DSCAML1: variants seen among roughly 807,000 people sequenced by gnomAD.
DSCAML1 encodes the protein cell adhesion molecule DSCAML1.
Under a neutral mutation model 200.5 loss-of-function variants are expected in DSCAML1, and 38 were observed. That is an observed-to-expected ratio of 0.19 (90% confidence interval 0.15 to 0.25). The LOEUF is 0.25. Ranked by LOEUF, DSCAML1 falls within the 10% of genes least tolerant of loss-of-function variation. DSCAML1 has a pLI of 1.00. For synonymous variants in DSCAML1, 1,215 were observed against 1,165.0 expected (o/e 1.04, Z -0.87); for missense variants, 2,223 against 2,858.8 (o/e 0.78, Z 5.07).
intron 3 of DSCAML1, among the ~76,000 whole-genome samples, chr11:117,766,751 C>T (rs997212183): frequency 1.3e-5 from 2 of 152,208 alleles, no homozygotes; most frequent in Non-Finnish European, 2.9e-5. Flanking sequence ...AAAAGCAAAA[C>T]ATGACACATG....
intron 3 of DSCAML1, among the ~76,000 whole-genome samples, chr11:117,637,089 T>C (rs1249015722): frequency 6.6e-6 from 1 of 152,060 alleles, no homozygotes; most frequent in Non-Finnish European, 1.5e-5. Context: ...TTTCCAGCCC[T>C]ACATCCCTCC....
intron 3 of DSCAML1, among the ~76,000 whole-genome samples, chr11:117,577,577 T>C (rs1172388198): frequency 2.8e-5 from 4 of 143,490 alleles, no homozygotes; most frequent in African/African-American, 1.0e-4. Flanking sequence ...TTTCCTTTCT[T>C]TTTTTTTTTG....
At chr11:117,510,637 T>C (rs533297843) in intron 8 of DSCAML1, among the ~76,000 whole-genome samples, 16 of 152,258 alleles carry the variant, frequency 1.1e-4, no homozygotes, top group Non-Finnish European at 1.8e-4. Flanking sequence ...TAGGATCCCT[T>C]TCCTCACTAA....
intron 3 of DSCAML1, among the ~76,000 whole-genome samples, chr11:117,604,320 T>C (rs2051522961): frequency 6.8e-6 from 1 of 146,448 alleles, no homozygotes; most frequent in Middle Eastern, 3.2e-3. Flanking sequence ...CAGACCTTTG[T>C]CACCGAGAAA....
chr11:117,787,255 T>C (rs1404050602), intron 1 of DSCAML1, among the ~76,000 whole-genome samples: 2 of 152,186 alleles, frequency 1.3e-5, no homozygotes, highest in East Asian at 3.9e-4. Flanking sequence ...GACGAGTTAA[T>C]ATATATGAAG....
chr11:117,682,785 G>C (rs993896078), intron 3 of DSCAML1, among the ~76,000 whole-genome samples: 2 of 152,186 alleles, frequency 1.3e-5, no homozygotes, highest in Non-Finnish European at 2.9e-5. Flanking sequence ...GACTCTCTCA[G>C]GAAAAACTGT....
chr11:117,484,757 G>A (rs960158745), intron 11 of DSCAML1, among the ~76,000 whole-genome samples: 1 of 152,208 alleles, frequency 6.6e-6, no homozygotes, highest in African/African-American at 2.4e-5. Flanking sequence ...AATTGAGCTC[G>A]GGTGTCGGGG....
At chr11:117,615,491 C>A (rs2051793380) in intron 3 of DSCAML1, among the ~76,000 whole-genome samples, 1 of 152,104 alleles carries the variant, frequency 6.6e-6, no homozygotes, top group Admixed American at 6.5e-5. Flanking sequence ...CTATAAGAAG[C>A]AAGTGCAGGG....
intron 17 of DSCAML1, among the ~76,000 whole-genome samples, chr11:117,464,156 C>A (rs898304016): frequency 6.6e-6 from 1 of 152,018 alleles, no homozygotes; most frequent in South Asian, 2.1e-4. Flanking sequence ...GGCTCTGACT[C>A]GGGGGGCTTT....
rs766131368 is a variant in DSCAML1, at chr11:117,439,906, G to A, written c.3893C>T (p.Thr1298Ile). The A allele has an allele frequency of 6.2e-7, 1 of 1,614,150 alleles. No individual in the cohort carries two copies. Among genetic ancestry groups the A allele is most frequent in the Admixed American group, 1.7e-5 (1 of 60,018 alleles). The change falls in exon 22 of 33, where the codon ACC (threonine) becomes ATC (isoleucine). Residue 1298 changes from threonine (T) to isoleucine (I), a missense_variant. By Grantham distance (89) the Thr-to-Ile change is moderately conservative. Around this residue, in one of 7 missense-constraint regions of DSCAML1, gnomAD observed 614 missense variants for 739.1 expected, o/e 0.83. Transcript: ENST00000651296. ...APAKIISFGG[T>I]VTTPWMKDVR... ...ATCTTTCATCCAAGGTGTTGTCACG[G>A]TGCCCCCAAAGGAGATGATCTTTGC...
chr11:117,710,342 A>G (rs1276508265), intron 3 of DSCAML1, among the ~76,000 whole-genome samples: 1 of 152,142 alleles, frequency 6.6e-6, no homozygotes, highest in East Asian at 1.9e-4. Context: ...TCTATTCCTC[A>G]GAGTATTTTT....
At position 117,464,986 on chromosome 11, in the gene DSCAML1, G is replaced by A. The variant is rs746275716; in HGVS notation, c.3221C>T (p.Thr1074Met). 3.7e-6 allele frequency: 6 copies of A among 1,614,054 alleles called. No individual in the cohort carries two copies. The highest frequency in any genetic ancestry group is 3.3e-5 in the South Asian group (3 of 91,080). Residue 1074 changes from threonine (T) to methionine (M), a missense_variant, in exon 17 of 33, where the codon ACG becomes ATG. By Grantham distance (81) the Thr-to-Met change is moderately conservative (BLOSUM62 -1). Around this residue, in one of 7 missense-constraint regions of DSCAML1, gnomAD observed 438 missense variants for 629.7 expected, o/e 0.70. Transcript: ENST00000651296. Reference protein sequence around the residue: ...VVVQAFNRAGTGPSSSEINAT... With the variant: ...VVVQAFNRAGMGPSSSEINAT... ...ATTGATCTCGCTGGAAGAGGGCCCC[G>A]TGCCAGCCCGATTGAAGGCTTGGAC... is the stretch of plus-strand genomic sequence containing the variant.
chr11:117,730,967 C>T (rs2054206912), intron 3 of DSCAML1, among the ~76,000 whole-genome samples: 2 of 152,044 alleles, frequency 1.3e-5, no homozygotes, highest in African/African-American at 4.8e-5. Context: ...TATACAGACA[C>T]AGATTAGTGT....
In DSCAML1 at chr11:117,428,464, T is replaced by G. The variant is rs1252790253; in HGVS notation, c.6026A>C (p.Glu2009Ala). ...PSAAPPAPST[E>A]PPRAGGPHTK... ...GTGTGGGCCCCCGGCTCGTGGAGGC[T>G]CGGTGCTGGGGGCCGGAGGGGCAGC... The change falls in exon 33 of 33, where the codon GAG becomes GCG. Residue 2009 changes from glutamate (E) to alanine (A), a missense_variant. Physicochemically the swap from Glu to Ala is moderately radical, Grantham distance 107 (BLOSUM62 -1). This residue lies in a region of DSCAML1 where 280 missense variants were observed against 213.4 expected (regional missense o/e 1.31). Coordinates refer to ENST00000651296, the MANE Select transcript of DSCAML1 (RefSeq NM_020693.4). The G allele has an allele frequency of 6.6e-7, 1 of 1,510,712 alleles. No individual in the cohort carries two copies. The highest frequency in any genetic ancestry group is 2.2e-5 in the Admixed American group (1 of 44,486). 93.6% of individuals were successfully genotyped at this position (1,510,712 alleles called of 1,614,324 possible). A position where few individuals can be genotyped will look rare whatever the true frequency, so the allele number is the denominator to read the frequency against.
intron 1 of DSCAML1, among the ~76,000 whole-genome samples, chr11:117,806,907 T>C (rs1249475344): frequency 6.6e-6 from 1 of 152,264 alleles, no homozygotes; most frequent in Non-Finnish European, 1.5e-5. Flanking sequence ...GTTTCATCTA[T>C]GCTCCCCTCC....
chr11:117,581,314 A>T (rs2051035020), intron 3 of DSCAML1, among the ~76,000 whole-genome samples: 2 of 152,266 alleles, frequency 1.3e-5, no homozygotes, highest in South Asian at 2.1e-4. Flanking sequence ...GAGGGGTCAG[A>T]TTTATTGAGA....
chr11:117,662,975 C>T (rs1434118840), intron 3 of DSCAML1, among the ~76,000 whole-genome samples: 2 of 152,188 alleles, frequency 1.3e-5, no homozygotes, highest in Admixed American at 1.3e-4. Context: ...TTCTGGTTCC[C>T]GGATATAAGC....
chr11:117,450,722 AAGC>A lies in DSCAML1; in HGVS notation c.3569-37_3569-35del, dbSNP rs765405858. On this transcript the variant is annotated intron_variant, in intron 19 of 32. Coordinates refer to ENST00000651296, the MANE Select transcript of DSCAML1 (RefSeq NM_020693.4). ...GGAGAAGGCCTGGTCAGTTGAGAGA[AAGC>A]AGGAGCACAGCCTTTGGGGAAAATG... is the stretch of plus-strand genomic sequence containing the variant. 2.5e-6 allele frequency: 4 copies of A among 1,604,470 alleles called. No homozygotes were observed. The Admixed American group carries it at 5.1e-5, about 20-fold the overall frequency.
intron 15 of DSCAML1, among the ~76,000 whole-genome samples, chr11:117,471,529 T>C (rs2137180286): frequency 6.6e-6 from 1 of 152,276 alleles, no homozygotes; most frequent in Non-Finnish European, 1.5e-5. Context: ...AGATAAACCT[T>C]GTTTAAACTT....
Sources: gnomAD v4.1 joint callset for allele counts (sites outside exome capture counted in the v4.1 genomes callset) on GRCh38, gnomAD v4.1.1 for gene constraint, gnomAD v4.1.1 regional missense constraint, MANE v1.5 for transcripts, NCBI Gene and HGNC (gene_info 2026-07-23, HGNC 2026-07-21) for gene names.